Variants in SLC26A9 observed in about 807,000 individuals in gnomAD.
SLC26A9 encodes the protein solute carrier family 26 member 9.
Under a neutral mutation model 87.1 loss-of-function variants are expected in SLC26A9, and 46 were observed. The observed-to-expected ratio is 0.53, with a 90% CI of 0.42 to 0.67. The LOEUF (loss-of-function observed/expected upper bound fraction) is 0.67. Among genes scored for constraint, SLC26A9 ranks in the 30% least tolerant of loss-of-function variants. The pLI, the probability that SLC26A9 is intolerant of heterozygous loss-of-function variation, is 0.00. For synonymous variants in SLC26A9, 437 were observed against 409.1 expected (o/e 1.07, Z -0.82); for missense variants, 927 against 1,018.3 (o/e 0.91, Z 1.22).
chr1:205,917,370 C>T lies in SLC26A9; in HGVS notation c.2257-16G>A. The T allele has an allele frequency of 6.2e-7, 1 of 1,613,680 alleles. No homozygotes were observed. The highest frequency in any genetic ancestry group is 8.5e-7 in the Non-Finnish European group (1 of 1,179,742). On this transcript the variant is annotated splice_polypyrimidine_tract_variant and intron_variant, in intron 19 of 20. Transcript: ENST00000367135. ...CCCCTGGAGCCTGGAAGGGAGGAAGCCAGTGCAGAATGAGCTTCAGTGACT... is the reference window on the plus strand; with the variant it reads ...CCCCTGGAGCCTGGAAGGGAGGAAGTCAGTGCAGAATGAGCTTCAGTGACT...
chr1:205,914,738 T>G lies in SLC26A9; in HGVS notation c.*619A>C. 4.3e-6 allele frequency: 4 copies of G among 921,114 alleles called. No individual in the cohort carries two copies. Among genetic ancestry groups the G allele is most frequent in the Non-Finnish European group, 6.5e-6 (4 of 619,234 alleles). The allele number at this position is 921,114 out of a possible 1,614,324, so 57.1% of individuals were successfully genotyped here. ...TGTGCTTGCTGACAGCAGTGGTGGTTTGGGCAGCCTTGGGGATGATGGAGG... is the reference window on the plus strand; with the variant it reads ...TGTGCTTGCTGACAGCAGTGGTGGTGTGGGCAGCCTTGGGGATGATGGAGG... On this transcript the variant is annotated 3_prime_UTR_variant, in exon 21 of 21. Transcript: ENST00000367135.
Position 205,924,399 on chromosome 1 carries a change from C to G in SLC26A9, c.1480G>C (p.Val494Leu). The change falls in exon 13 of 21, where the codon GTC (valine) becomes CTC (leucine). Residue 494 changes from valine to leucine, a missense_variant. By Grantham distance (32) the Val-to-Leu change is conservative. Transcript: ENST00000367135. ...ATCACTTACAACTGAGTCTGGAAGA[C>G]CACGACCAGGACGGAGAAGGCGACA... The part of the protein sequence containing the change: ...VGVAFSVLVV[V>L]FQTQFRNGYA... The G allele has an allele frequency of 6.2e-7, 1 of 1,614,174 alleles. No individual in the cohort carries two copies. The highest frequency in any genetic ancestry group is 8.5e-7 in the Non-Finnish European group (1 of 1,180,020).
rs1659236418 is a variant in SLC26A9 at position 205,929,904 on chromosome 1, C to T, written c.705G>A (p.Gly235=). The T allele has an allele frequency of 6.2e-7, 1 of 1,602,744 alleles. No homozygotes were observed. The highest frequency in any genetic ancestry group is 1.3e-5 in the African/African-American group (1 of 74,870). Reference sequence around the variant, plus strand: ...TCCCCAGACTCACAAAGACGATGGACCCTGGGCCTGTGTAGGAGGGGATGG... The same window carrying T: ...TCCCCAGACTCACAAAGACGATGGATCCTGGGCCTGTGTAGGAGGGGATGG... ...GLTIPSYTGP[G]SIVFTFIDIC... is the part of the protein sequence containing the mutation. Residue 235 remains glycine (G), a synonymous_variant, in exon 6 of 21, where the codon GGG becomes GGA. Coordinates refer to ENST00000367135, the MANE Select transcript of SLC26A9 (RefSeq NM_052934.4).
Position 205,932,775 on chromosome 1 carries a change from G to A in SLC26A9, c.303C>T (p.Val101=). The A allele has an allele frequency of 6.2e-7, 1 of 1,600,882 alleles. No individual in the cohort carries two copies. Among genetic ancestry groups the A allele is most frequent in the Non-Finnish European group, 8.5e-7 (1 of 1,173,948 alleles). ...AFALLANLPA[V]NGLYSSFFPL... is the part of the protein sequence containing the mutation. ...GGAAGAAGGAGGAGTAGAGGCCATTGACTGCAGGAAGGTTGGCCAGCAGAG... is the reference window on the plus strand; with the variant it reads ...GGAAGAAGGAGGAGTAGAGGCCATTAACTGCAGGAAGGTTGGCCAGCAGAG... Residue 101 remains valine (V), a synonymous_variant, in exon 4 of 21, where the codon GTC becomes GTT. Transcript: ENST00000367135.
chr1:205,919,783 G>A (rs573606494), intron 18 of SLC26A9, among the ~76,000 whole-genome samples: 14 of 152,208 alleles, frequency 9.2e-5, no homozygotes, highest in East Asian at 1.9e-4. Context: ...TGCCTATATC[G>A]ATTCACAGAG....
At chr1:205,923,951 A>G (rs1658955888) in intron 13 of SLC26A9, among the ~76,000 whole-genome samples, 1 of 151,878 alleles carries the variant, frequency 6.6e-6, no homozygotes, top group African/African-American at 2.4e-5. Context: ...CATTCAGCGT[A>G]CTCCCTGCCT....
intron 4 of SLC26A9, among the ~76,000 whole-genome samples, chr1:205,932,345 C>A (rs1659339874): frequency 6.6e-6 from 1 of 152,182 alleles, no homozygotes; most frequent in Admixed American, 6.5e-5. Flanking sequence ...CACTTAGCAC[C>A]AGAGAAGTCC....
chr1:205,923,430 G>A lies in SLC26A9; in HGVS notation c.1567-3C>T. ...TTAATCCCCTGGATATCCTGGGCCT[G>A]TGACAGGGAGACTGAGCTCAAGTTG... On this transcript the variant is annotated splice_region_variant and splice_polypyrimidine_tract_variant and intron_variant, in intron 14 of 20. Coordinates refer to ENST00000367135, the MANE Select transcript of SLC26A9 (RefSeq NM_052934.4). The A allele has an allele frequency of 6.2e-7, 1 of 1,614,190 alleles. No homozygotes were observed. The highest frequency in any genetic ancestry group is 8.5e-7 in the Non-Finnish European group (1 of 1,180,028).
At chr1:205,927,458 C>T in intron 10 of SLC26A9, 34 bp downstream of exon 10, 1 of 1,602,688 alleles carries the variant, frequency 6.2e-7, no homozygotes, top group Non-Finnish European at 8.5e-7. Flanking sequence ...GTTCTCTTAC[C>T]ACCTCCCCCC....
In SLC26A9 at chr1:205,918,825, G is replaced by A; in HGVS notation, c.2256+15C>T. 3 of 1,607,000 alleles carry A rather than the reference G, an allele frequency of 1.9e-6. No homozygotes were observed. Among genetic ancestry groups the A allele is most frequent in the Non-Finnish European group, 2.6e-6 (3 of 1,174,072 alleles). On this transcript the variant is annotated intron_variant, in intron 19 of 20. Coordinates refer to ENST00000367135, the MANE Select transcript of SLC26A9 (RefSeq NM_052934.4). ...TGCCTTGGAGCCTAGGATTCCCCAG[G>A]TGCAAGAACCTTACCCCTTGGAAGT...
chr1:205,918,728 C>T lies in SLC26A9; in HGVS notation c.2256+112G>A, dbSNP rs537314396. The T allele has an allele frequency of 1.0e-3, 1,375 of 1,357,428 alleles. 3 individuals carry two copies. The highest frequency in any genetic ancestry group is 2.5e-3 in the Middle Eastern group (9 of 3,664). 84.1% of individuals were successfully genotyped at this position (1,357,428 alleles called of 1,614,324 possible). On this transcript the variant is annotated intron_variant, in intron 19 of 20. Coordinates refer to ENST00000367135, the MANE Select transcript of SLC26A9 (RefSeq NM_052934.4). ...AAACAGATTCAGAAAACTGAAATGG[C>T]AGACTTGATATTGGAACTTAAACCT...
rs754733523 is a variant in SLC26A9, at chr1:205,921,799, T to TG, written c.1821dup (p.Thr608HisfsTer11). ...GGGGTCTGGTTGTTGTTGGGGTCGGTGGGGGGCGCATTCTCAAAGTCCTGC... is the reference window on the plus strand; with the variant it reads ...GGGGTCTGGTTGTTGTTGGGGTCGGTGGGGGGGCGCATTCTCAAAGTCCTGC... On this transcript the variant is annotated frameshift_variant, in exon 17 of 21. Transcript: ENST00000367135. LOFTEE classifies it high-confidence loss of function. 2 of 1,606,046 alleles carry TG rather than the reference T, an allele frequency of 1.2e-6. No homozygotes were observed. The highest frequency in any genetic ancestry group is 1.7e-6 in the Non-Finnish European group (2 of 1,177,450).
At chr1:205,928,710 G>A in intron 8 of SLC26A9, 117 bp downstream of exon 8, 1 of 915,170 alleles carries the variant, frequency 1.1e-6, no homozygotes, top group Middle Eastern at 2.2e-4. Context: ...TACATGGTCA[G>A]TGTCATACAG....
At chr1:205,921,239 C>T (rs1436671678) in intron 17 of SLC26A9, among the ~76,000 whole-genome samples, 1 of 152,220 alleles carries the variant, frequency 6.6e-6, no homozygotes, top group South Asian at 2.1e-4. Context: ...AGGAGCCAAA[C>T]CGGACCCTCC....
intron 4 of SLC26A9, 33 bp downstream of exon 4, chr1:205,932,669 T>A (rs1659353062): frequency 2.7e-6 from 4 of 1,508,308 alleles, no homozygotes; most frequent in Admixed American, 2.2e-5. Context: ...GGGGTCTGGG[T>A]CATCCTGCCT....
At chr1:205,928,786 G>A (rs755751089) in intron 8 of SLC26A9, 41 bp downstream of exon 8, 50 of 1,596,704 alleles carry the variant, frequency 3.1e-5, no homozygotes, top group Middle Eastern at 1.7e-4. Flanking sequence ...AGTGGGGCAT[G>A]AGGTGCGGGT....
intron 19 of SLC26A9, among the ~76,000 whole-genome samples, chr1:205,918,551 GA>G: frequency 6.6e-6 from 1 of 152,322 alleles, no homozygotes; most frequent in East Asian, 1.9e-4. Flanking sequence ...TGTGCAACCA[GA>G]AAACTTATAT....
chr1:205,926,565 G>A lies in SLC26A9; in HGVS notation c.1359C>T (p.Tyr453=). The change falls in exon 12 of 21, where the codon TAC becomes TAT. Residue 453 remains tyrosine, a synonymous_variant. Transcript: ENST00000367135. ...CCAGCTTGCTCTTCCTCCACAGGTA[G>A]TAGGGGTCGGTGAGTTGCTTGAGGG... ...KNSLKQLTDP[Y]YLWRKSKLDC... 6.2e-7 allele frequency: 1 copy of A among 1,614,200 alleles called. No homozygotes were observed.
rs769600191 is a variant in SLC26A9 at position 205,923,632 on chromosome 1, G to GA, written c.1497-20dup. 1.9e-5 allele frequency: 30 copies of GA among 1,614,026 alleles called. No individual in the cohort carries two copies. The highest frequency in any genetic ancestry group is 2.7e-5 in the African/African-American group (2 of 74,944). ...ATTTCGACTGGATGAAGCAGGAAGA[G>GA]AAAAACATAAGAGAATGCTAATGGC... is the stretch of plus-strand genomic sequence containing the variant. On this transcript the variant is annotated intron_variant, in intron 13 of 20. Transcript: ENST00000367135.
Sources: gnomAD v4.1 joint callset for allele counts (sites outside exome capture counted in the v4.1 genomes callset) on GRCh38, gnomAD v4.1.1 for gene constraint, MANE v1.5 for transcripts, NCBI Gene and HGNC (gene_info 2026-07-23, HGNC 2026-07-21) for gene names.